Variants in LENG1 observed in about 807,000 individuals in gnomAD.
The protein encoded by LENG1 is leukocyte receptor cluster member 1.
In LENG1, 35 loss-of-function variants were observed where a neutral mutation model predicts 28.8. The ratio of observed to expected loss-of-function variants is 1.22; its 90% CI spans 0.93 to 1.61. The LOEUF is 1.61. LENG1 is among the 40% of genes most tolerant of loss of function. The pLI, the probability that LENG1 is intolerant of heterozygous loss-of-function variation, is 0.00. For missense variants in LENG1, 404 were observed against 348.9 expected (o/e 1.16, Z -1.26); for synonymous variants, 170 against 140.6 (o/e 1.21, Z -1.48).
rs1326198706 is a variant in LENG1, at chr19:54,155,269, C to T, written c.*452G>A. The T allele has an allele frequency of 1.2e-6, 2 of 1,608,796 alleles. No individual in the cohort carries two copies. The highest frequency in any genetic ancestry group is 1.7e-6 in the Non-Finnish European group (2 of 1,178,450). ...TTGGTCCGGCCCAGATCCCAGACCA[C>T]CTCCTCGTCCACTCACTGACCGCCT... On this transcript the variant is annotated 3_prime_UTR_variant, in exon 4 of 4. Transcript: ENST00000222224.
In LENG1 at chr19:54,158,473, G is replaced by A; in HGVS notation, c.133-12C>T. 2.5e-6 allele frequency: 4 copies of A among 1,609,514 alleles called. No individual in the cohort carries two copies. The highest frequency in any genetic ancestry group is 2.2e-5 in the South Asian group (2 of 90,916). On this transcript the variant is annotated splice_polypyrimidine_tract_variant and intron_variant, in intron 1 of 3. Coordinates refer to ENST00000222224, the MANE Select transcript of LENG1 (RefSeq NM_024316.3). ...AATTCTGTACGGGCCTGGGGAGAAA[G>A]TTATAGGCAGGACATTCAGAACCTA...
In LENG1 at chr19:54,159,715, G is replaced by C. The variant is rs762949724; in HGVS notation, c.-20C>G. 1.2e-5 allele frequency: 19 copies of C among 1,561,678 alleles called. No individual in the cohort carries two copies. The highest frequency in any genetic ancestry group is 1.6e-5 in the Non-Finnish European group (18 of 1,155,366). ...ATTCATGGCGTCGTAGCTGTCCAGG[G>C]ACTGGCACGCCCGCCTCTTTGCACT... On this transcript the variant is annotated 5_prime_UTR_variant, in exon 1 of 4. Coordinates refer to ENST00000222224, the MANE Select transcript of LENG1 (RefSeq NM_024316.3).
intron 2 of LENG1, 33 bp from the exon 3 acceptor site, chr19:54,157,058 A>G (rs2146835517): frequency 1.3e-6 from 2 of 1,493,714 alleles, no homozygotes; most frequent in South Asian, 1.4e-5. Flanking sequence ...GAGATGTGAT[A>G]TAATCTTTCA....
chr19:54,159,486 C>T (rs1422201192), intron 1 of LENG1, 78 bp downstream of exon 1: 37 of 1,412,230 alleles, frequency 2.6e-5, no homozygotes, highest in Non-Finnish European at 3.3e-5. Flanking sequence ...GCCTGCGCAA[C>T]GCCTCCGCTT....
chr19:54,156,743 C>T lies in LENG1; in HGVS notation c.575+20G>A. On this transcript the variant is annotated intron_variant, in intron 3 of 3. Transcript: ENST00000222224. ...CCCTGAAGGTCTGGGCCCTGGTCTGCCGAGGTGGGGTCTTCTTACTCCTTG... is the reference window on the plus strand; with the variant it reads ...CCCTGAAGGTCTGGGCCCTGGTCTGTCGAGGTGGGGTCTTCTTACTCCTTG... 1 of 1,595,858 alleles carries T rather than the reference C, an allele frequency of 6.3e-7. No homozygotes were observed. The highest frequency in any genetic ancestry group is 8.6e-7 in the Non-Finnish European group (1 of 1,169,412).
At chr19:54,158,159 G>T in intron 2 of LENG1, 123 bp downstream of exon 2, 2 of 919,246 alleles carry the variant, frequency 2.2e-6, no homozygotes, top group Non-Finnish European at 3.4e-6. Context: ...GTCATGCCTT[G>T]GTATGGTCCT....
At chr19:54,158,112 T>C (rs1188252730) in intron 2 of LENG1, among the ~76,000 whole-genome samples, 170 bp downstream of exon 2, 1 of 152,236 alleles carries the variant, frequency 6.6e-6, no homozygotes, top group South Asian at 2.1e-4. Flanking sequence ...CCAACCCCTG[T>C]GGGCGCCCAG....
chr19:54,158,725 G>A (rs2075443684), intron 1 of LENG1, among the ~76,000 whole-genome samples: 3 of 152,140 alleles, frequency 2.0e-5, no homozygotes, highest in Admixed American at 1.3e-4. Context: ...TAAACCAAAG[G>A]GGTTCCTAAC....
chr19:54,155,502 A>T lies in LENG1; in HGVS notation c.*219T>A. The T allele has an allele frequency of 1.0e-6, 1 of 961,040 alleles. No individual in the cohort carries two copies. The highest frequency in any genetic ancestry group is 1.5e-6 in the Non-Finnish European group (1 of 647,134). The allele number at this position is 961,040 out of a possible 1,614,324, so 59.5% of individuals were successfully genotyped here. A position where few individuals can be genotyped will look rare whatever the true frequency, so the allele number is the denominator to read the frequency against. On this transcript the variant is annotated 3_prime_UTR_variant, in exon 4 of 4. Transcript: ENST00000222224. Reference sequence around the variant, plus strand: ...CCTGGAAGACTGGAGGGAGGCCCCAAGCCACGGGGCATCCCCCTCTCCCAG... The same window carrying T: ...CCTGGAAGACTGGAGGGAGGCCCCATGCCACGGGGCATCCCCCTCTCCCAG...
rs774456396 is a variant in LENG1 at position 54,156,815 on chromosome 19, C to G, written c.523G>C (p.Gly175Arg). The stretch of plus-strand genomic sequence containing the variant: ...TCCTTTTCCTTTCTGCTGCGACTGC[C>G]TTCATCACCGCCGTGCTGTCTCTTC... ...GKKRQHGGDEGSRSRKEKEGS... is the reference protein window; with the variant it reads ...GKKRQHGGDERSRSRKEKEGS... The change falls in exon 3 of 4, where the codon GGC (glycine) becomes CGC (arginine). Residue 175 changes from glycine (G) to arginine (R), a missense_variant. Transcript: ENST00000222224. 2 of 1,613,774 alleles carry G rather than the reference C, an allele frequency of 1.2e-6. No homozygotes were observed. The highest frequency in any genetic ancestry group is 1.7e-5 in the Admixed American group (1 of 60,006).
rs1481677650 is a variant in LENG1, at chr19:54,159,573, A to G, written c.123T>C (p.Ala41=). Residue 41 remains alanine, a synonymous_variant, in exon 1 of 4, where the codon GCT becomes GCC. Coordinates refer to ENST00000222224, the MANE Select transcript of LENG1 (RefSeq NM_024316.3). ...CGGCTTCCGAGCTTACCTCTTGCTG[A>G]GCCAGCAGCACCCTCCGCTCACGCT... The part of the protein sequence containing the change: ...EKERERRVLL[A]QQEARTEFLR... 9 of 1,578,542 alleles carry G rather than the reference A, an allele frequency of 5.7e-6. No homozygotes were observed. The highest frequency in any genetic ancestry group is 1.8e-5 in the Admixed American group (1 of 54,380).
Position 54,155,237 on chromosome 19 carries a change from T to G in LENG1, c.*484A>C, listed in dbSNP as rs1004127861. 1.3e-6 allele frequency: 2 copies of G among 1,579,972 alleles called. No individual in the cohort carries two copies. The highest frequency in any genetic ancestry group is 1.7e-6 in the Non-Finnish European group (2 of 1,165,044). The stretch of plus-strand genomic sequence containing the variant: ...TCCACAGCCCTAAGAATTGTCCCCT[T>G]TGTCTGTTGGTCCGGCCCAGATCCC... On this transcript the variant is annotated 3_prime_UTR_variant, in exon 4 of 4. Transcript: ENST00000222224.
rs191195370 is a variant in LENG1 at position 54,156,821 on chromosome 19, C to T, written c.517G>A (p.Asp173Asn). The change falls in exon 3 of 4, where the codon GAT becomes AAT. Residue 173 changes from aspartate (D) to asparagine (N), a missense_variant. Coordinates refer to ENST00000222224, the MANE Select transcript of LENG1 (RefSeq NM_024316.3). ...TCCTTTCTGCTGCGACTGCCTTCAT[C>T]ACCGCCGTGCTGTCTCTTCTTCCCC... ...HLGKKRQHGG[D>N]EGSRSRKEKE... The T allele has an allele frequency of 1.9e-5, 31 of 1,614,004 alleles. No homozygotes were observed. In the Admixed American group the frequency reaches 2.2e-4, roughly 11 times the overall value.
rs1395228698 is a variant in LENG1, at chr19:54,155,297, T to TCC, written c.*422_*423dup. The TCC allele has an allele frequency of 1.9e-6, 3 of 1,612,458 alleles. No homozygotes were observed. Among genetic ancestry groups the TCC allele is most frequent in the Non-Finnish European group, 1.7e-6 (2 of 1,179,534 alleles). ...CCTCGTCCACTCACTGACCGCCTTC[T>TCC]CCCCCGGCCAGGGCACCTACATCTA... On this transcript the variant is annotated 3_prime_UTR_variant, in exon 4 of 4. Coordinates refer to ENST00000222224, the MANE Select transcript of LENG1 (RefSeq NM_024316.3).
At chr19:54,157,397 C>CT (rs2075414249) in intron 2 of LENG1, among the ~76,000 whole-genome samples, 1 of 152,202 alleles carries the variant, frequency 6.6e-6, no homozygotes, top group Admixed American at 6.5e-5. Context: ...GAGATGGAGT[C>CT]TCGCTCTGTT....
At position 54,155,885 on chromosome 19, in the gene LENG1, T is replaced by G; in HGVS notation, c.631A>C (p.Arg211=). 6.2e-7 allele frequency: 1 copy of G among 1,612,824 alleles called. No individual in the cohort carries two copies. Among genetic ancestry groups the G allele is most frequent in the African/African-American group, 1.3e-5 (1 of 75,040 alleles). ...GCCAGCAGGGCCTCTGCCCGAGACC[T>G]CTCAGCTGCTTCCCTCCGCAGACGT... ...AERLRREAAE[R]SRAEALLARV... is the part of the protein sequence containing the mutation. Residue 211 remains arginine, a synonymous_variant, in exon 4 of 4, where the codon AGG becomes CGG. Coordinates refer to ENST00000222224, the MANE Select transcript of LENG1 (RefSeq NM_024316.3).
At chr19:54,156,255 C>T (rs1353840057) in intron 3 of LENG1, among the ~76,000 whole-genome samples, 15 of 152,196 alleles carry the variant, frequency 9.9e-5, no homozygotes, top group Non-Finnish European at 1.9e-4. Flanking sequence ...GCAGTGTACC[C>T]CCTCTAGACC....
At chr19:54,157,163 A>G in intron 2 of LENG1, 138 bp from the exon 3 acceptor site, 1 of 636,892 alleles carries the variant, frequency 1.6e-6, no homozygotes, top group Non-Finnish European at 2.5e-6. Flanking sequence ...GGGATGGAAG[A>G]CAAACAGAGG....
intron 2 of LENG1, among the ~76,000 whole-genome samples, chr19:54,157,865 G>A (rs1232421393): frequency 1.3e-5 from 2 of 150,968 alleles, no homozygotes; most frequent in Non-Finnish European, 1.5e-5. Flanking sequence ...TTACAGGCGC[G>A]CACCACCATG....
Sources: allele counts gnomAD v4.1 joint callset (sites outside exome capture counted in the v4.1 genomes callset), GRCh38; gene constraint gnomAD v4.1.1; transcripts MANE v1.5; gene names NCBI Gene and HGNC (gene_info 2026-07-23, HGNC 2026-07-21).